The following UNC13B variants were observed in gnomAD, a reference collection of about 807,000 sequenced individuals.
UNC13B encodes the protein unc-13 homolog B, also known as protein unc-13 homolog B.
UNC13B carries 144 observed loss-of-function variants against 211.0 expected under a neutral mutation model. The ratio of observed to expected loss-of-function variants is 0.68; its 90% CI spans 0.60 to 0.78. The LOEUF is 0.78. UNC13B is among the 30% of genes least tolerant of loss of function. The pLI, the probability that UNC13B is intolerant of heterozygous loss-of-function variation, is 0.00. For missense variants in UNC13B, 1,777 were observed against 2,002.0 expected, an observed-to-expected ratio of 0.89 and a Z score of 2.14; for synonymous variants, 709 against 725.8, an observed-to-expected ratio of 0.98 and a Z score of 0.37.
chr9:35,376,072 C>A lies in UNC13B; in HGVS notation c.9660C>A (p.Pro3220=). Residue 3220 remains proline, a synonymous_variant, in exon 15 of 40, where the codon CCC becomes CCA. Transcript: ENST00000635942. ...YKKTLQALIY[P]ISCTTPHNFE... Reference sequence around the variant, plus strand: ...AAACCCTGCAGGCCTTAATCTACCCCATTTCGTGCACCACTCCTCATAACT... The same window carrying A: ...AAACCCTGCAGGCCTTAATCTACCCAATTTCGTGCACCACTCCTCATAACT... 1 of 1,614,248 alleles carries A rather than the reference C, an allele frequency of 6.2e-7. No individual in the cohort carries two copies. Among genetic ancestry groups the A allele is most frequent in the South Asian group, 1.1e-5 (1 of 91,086 alleles).
At position 35,397,149 on chromosome 9, in the gene UNC13B, G is replaced by A; in HGVS notation, c.11533-18G>A. ...GATAGCAGCTGTGGATGGTGACCCT[G>A]TGTGTGGTCTTCCTTAGTTCCAGCA... On this transcript the variant is annotated intron_variant, in intron 28 of 39. Coordinates refer to ENST00000635942, the MANE Select transcript of UNC13B (RefSeq NM_001371189.2). 1.2e-6 allele frequency: 2 copies of A among 1,613,302 alleles called. No individual in the cohort carries two copies. The highest frequency in any genetic ancestry group is 2.7e-5 in the African/African-American group (2 of 75,054).
intron 11 of UNC13B, among the ~76,000 whole-genome samples, chr9:35,365,955 TCTC>T (rs1833743764): frequency 1.3e-5 from 2 of 151,166 alleles, no homozygotes; most frequent in African/African-American, 4.9e-5. Flanking sequence ...CTGTCCCTAT[TCTC>T]CTCTGTATTG....
chr9:35,174,259 G>A (rs923655951), intron 1 of UNC13B, among the ~76,000 whole-genome samples: 2 of 151,782 alleles, frequency 1.3e-5, no homozygotes, highest in African/African-American at 2.4e-5. Flanking sequence ...CAGGGCTCAG[G>A]TGATTCTCCT....
intron 11 of UNC13B, among the ~76,000 whole-genome samples, chr9:35,331,979 T>G (rs1260838901): frequency 6.6e-6 from 1 of 151,970 alleles, no homozygotes; most frequent in Admixed American, 6.6e-5. Flanking sequence ...ACCAGTAGGC[T>G]TCCAACTAGC....
At chr9:35,330,254 T>TA (rs1461934428) in intron 11 of UNC13B, among the ~76,000 whole-genome samples, 2 of 152,248 alleles carry the variant, frequency 1.3e-5, no homozygotes, top group African/African-American at 4.8e-5. Flanking sequence ...GCCAGCCTCC[T>TA]AGTACTTTCC....
chr9:35,312,950 A>T (rs1446182351), intron 10 of UNC13B, among the ~76,000 whole-genome samples: 4 of 152,162 alleles, frequency 2.6e-5, no homozygotes, highest in African/African-American at 7.2e-5. Flanking sequence ...CTTTTCATGT[A>T]AAAAGGAATG....
chr9:35,390,587 C>T (rs996695896), intron 25 of UNC13B, 42 bp from the exon 26 acceptor site: 2 of 1,597,352 alleles, frequency 1.3e-6, no homozygotes, highest in East Asian at 2.2e-5. Flanking sequence ...AATCAAATGG[C>T]TCTTGCCTTA....
intron 11 of UNC13B, among the ~76,000 whole-genome samples, chr9:35,356,688 T>C (rs1927959): frequency 0.21 from 32,427 of 152,164 alleles, 3,618 homozygotes; most frequent in South Asian, 0.29. Flanking sequence ...TTCATAGTTA[T>C]GCAGACATCA....
intron 22 of UNC13B, chr9:35,384,871 G>A (rs1394852451): frequency 1.5e-6 from 1 of 680,350 alleles, no homozygotes; most frequent in East Asian, 1.4e-4. Context: ...TCCTATGTTA[G>A]ATCTTAGAAA....
At chr9:35,359,084 G>T (rs1833226877) in intron 11 of UNC13B, among the ~76,000 whole-genome samples, 1 of 151,956 alleles carries the variant, frequency 6.6e-6, no homozygotes, top group South Asian at 2.1e-4. Flanking sequence ...GTCCCAGAAT[G>T]ATTTGTTGAA....
At chr9:35,246,213 TA>T (rs1398039885) in intron 6 of UNC13B, among the ~76,000 whole-genome samples, 1 of 152,108 alleles carries the variant, frequency 6.6e-6, no homozygotes, top group Non-Finnish European at 1.5e-5. Context: ...TTTTTTCTTG[TA>T]AATTTGTTTG....
chr9:35,287,320 A>G (rs1828855806), intron 7 of UNC13B, among the ~76,000 whole-genome samples: 1 of 151,688 alleles, frequency 6.6e-6, no homozygotes, highest in African/African-American at 2.4e-5. Context: ...TTTAGTAGAG[A>G]CAGGTTTCAC....
Position 35,300,703 on chromosome 9 carries a change from A to C in UNC13B, c.1299A>C (p.Gly433=). The change falls in exon 9 of 40, where the codon GGA becomes GGC. Residue 433 remains glycine, a synonymous_variant. Transcript: ENST00000635942. ...QRMNCDAKTL[G]DLSECSIEEI... ...TGAATTGTGATGCAAAAACACTTGG[A>C]GATCTGTCTGAGTGCTCTATAGAAG... is the stretch of plus-strand genomic sequence containing the variant. 1 of 398,984 alleles carries C rather than the reference A, an allele frequency of 2.5e-6. No individual in the cohort carries two copies. 24.7% of individuals were successfully genotyped at this position (398,984 alleles called of 1,614,324 possible). A position where few individuals can be genotyped will look rare whatever the true frequency, so the allele number is the denominator to read the frequency against.
chr9:35,299,322 A>G (rs1400111128), intron 8 of UNC13B, among the ~76,000 whole-genome samples: 2 of 152,182 alleles, frequency 1.3e-5, no homozygotes, highest in Admixed American at 6.5e-5. Context: ...ATGGTTTTAT[A>G]TGTATTTTTT....
At chr9:35,342,058 A>C in intron 11 of UNC13B, 1 of 985,430 alleles carries the variant, frequency 1.0e-6, no homozygotes, top group South Asian at 4.7e-5. Flanking sequence ...CAAGCCCTTC[A>C]CTGAGGGGTT....
At chr9:35,232,772 C>G (rs1041328873) in intron 3 of UNC13B, among the ~76,000 whole-genome samples, 32 of 152,052 alleles carry the variant, frequency 2.1e-4, no homozygotes, top group African/African-American at 6.5e-4. Flanking sequence ...AAGAAGTCTG[C>G]TTTGGAGAAA....
chr9:35,245,272 A>G (rs916299010), intron 6 of UNC13B, among the ~76,000 whole-genome samples: 5 of 152,112 alleles, frequency 3.3e-5, no homozygotes, highest in Non-Finnish European at 7.4e-5. Context: ...GTGGAATTTT[A>G]TAAGTTCTAA....
At chr9:35,290,519 C>T (rs1397028275) in intron 7 of UNC13B, among the ~76,000 whole-genome samples, 1 of 151,196 alleles carries the variant, frequency 6.6e-6, no homozygotes, top group Non-Finnish European at 1.5e-5. Flanking sequence ...ATAAACATTG[C>T]CATTCTTTGA....
chr9:35,264,320 A>C (rs62543194), intron 7 of UNC13B, among the ~76,000 whole-genome samples: 27,797 of 152,064 alleles, frequency 0.18, 2,919 homozygotes, highest in Non-Finnish European at 0.24. Context: ...AGAAGCAGTT[A>C]ATAATAATAA....
Sources: allele counts gnomAD v4.1 joint callset (sites outside exome capture counted in the v4.1 genomes callset), GRCh38; gene constraint gnomAD v4.1.1; transcripts MANE v1.5; gene names NCBI Gene and HGNC (gene_info 2026-07-23, HGNC 2026-07-21).